Variants in NFAM1 observed in about 807,000 individuals in gnomAD.
The protein encoded by NFAM1 is NFAT activation molecule 1.
In NFAM1, 17 loss-of-function variants were observed where a neutral mutation model predicts 29.0. That is an observed-to-expected ratio of 0.59 (90% confidence interval 0.40 to 0.88). The LOEUF is 0.88. Among genes scored for constraint, NFAM1 ranks in the 40% least tolerant of loss-of-function variants. The probability of loss-of-function intolerance (pLI) is 0.00; values close to 1 mark genes in which losing one functional copy is unlikely to be tolerated. For synonymous variants in NFAM1, 175 were observed against 147.2 expected (o/e 1.19, Z -1.36); for missense variants, 324 against 344.6 (o/e 0.94, Z 0.47).
intron 1 of NFAM1, among the ~76,000 whole-genome samples, chr22:42,415,294 C>CTTTTTTTT (rs398037250): frequency 1.6e-3 from 155 of 94,790 alleles, no homozygotes; most frequent in Non-Finnish European, 2.0e-3. Flanking sequence ...TTCTTTCTTT[C>CTTTTTTTT]TTTTTTTTTT....
rs1180762692 is a variant in NFAM1 at position 42,388,647 on chromosome 22, G to A, written c.664-1569C>T. Reference sequence around the variant, plus strand: ...CAGAGGCAGGAGGAGGGCGGGAGGCGGGAGGGAAGGAGGGAGGGAGGCAGG... The same window carrying A: ...CAGAGGCAGGAGGAGGGCGGGAGGCAGGAGGGAAGGAGGGAGGGAGGCAGG... On this transcript the variant is annotated intron_variant, in intron 4 of 5. Transcript: ENST00000329021. This position sits in a 1 kb window ranked among gnomAD's most constrained non-coding sequence, Gnocchi z 4.1. Among the ~76,000 whole-genome samples the A allele has an allele frequency of 3.9e-5, 6 of 152,130 alleles. No individual in the cohort carries two copies. Among genetic ancestry groups the A allele is most frequent in the African/African-American group, 9.7e-5 (4 of 41,432 alleles).
At chr22:42,425,851 G>A (rs1188234867) in intron 1 of NFAM1, among the ~76,000 whole-genome samples, 1 of 152,194 alleles carries the variant, frequency 6.6e-6, no homozygotes, top group Non-Finnish European at 1.5e-5. Context: ...GGCGAGCTCA[G>A]TCATGCCCCA....
chr22:42,414,096 C>T (rs753370156), intron 1 of NFAM1, among the ~76,000 whole-genome samples: 1 of 151,964 alleles, frequency 6.6e-6, no homozygotes, highest in Non-Finnish European at 1.5e-5. Flanking sequence ...AGAGACACAC[C>T]CTCCCTCAAA....
At chr22:42,398,348 G>C (rs923349961) in intron 3 of NFAM1, among the ~76,000 whole-genome samples, 2 of 137,382 alleles carry the variant, frequency 1.5e-5, no homozygotes, top group Admixed American at 7.6e-5. Context: ...CTCTGGCCTC[G>C]AGCGAGCCAG....
At chr22:42,431,347 G>C (rs1325248959) in intron 1 of NFAM1, among the ~76,000 whole-genome samples, 2 of 152,314 alleles carry the variant, frequency 1.3e-5, no homozygotes, top group South Asian at 4.1e-4. Flanking sequence ...AGGACAGGGT[G>C]GGGGCAGCTC....
chr22:42,402,565 G>A (rs73173008), intron 3 of NFAM1, among the ~76,000 whole-genome samples: 2,418 of 152,326 alleles, frequency 0.016, 33 homozygotes, highest in Non-Finnish European at 0.024. Flanking sequence ...ACAGAACAAG[G>A]AGGGCATGTT....
In NFAM1 at chr22:42,419,608, A is replaced by C. The variant is rs1930367482; in HGVS notation, c.122-7872T>G. 6.6e-6 allele frequency among the ~76,000 whole-genome samples: 1 copy of C among 152,196 alleles called. No individual in the cohort carries two copies. The highest frequency in any genetic ancestry group is 1.5e-5 in the Non-Finnish European group (1 of 68,026). ...TCCCAGGACCTGCACAGCCCCGCTCAGCTGCTCTCTGGCCCTCACTCGCCC... is the reference window on the plus strand; with the variant it reads ...TCCCAGGACCTGCACAGCCCCGCTCCGCTGCTCTCTGGCCCTCACTCGCCC... On this transcript the variant is annotated intron_variant, in intron 1 of 5. Transcript: ENST00000329021. The surrounding 1 kb of genome is among the most constrained non-coding windows in gnomAD (Gnocchi z 4.5).
At chr22:42,393,105 C>CT (rs907797945) in intron 4 of NFAM1, among the ~76,000 whole-genome samples, 10 of 150,972 alleles carry the variant, frequency 6.6e-5, no homozygotes, top group East Asian at 3.9e-4. Context: ...AGTAGTAAAG[C>CT]TTTTTTTTTC....
At chr22:42,397,173 C>T (rs1451773201) in intron 4 of NFAM1, among the ~76,000 whole-genome samples, 7 of 152,210 alleles carry the variant, frequency 4.6e-5, no homozygotes, top group Non-Finnish European at 7.4e-5. Context: ...CGGCCCCAGC[C>T]GCTGGGCAGA....
At chr22:42,418,078 C>T (rs1930320125) in intron 1 of NFAM1, among the ~76,000 whole-genome samples, 1 of 152,238 alleles carries the variant, frequency 6.6e-6, no homozygotes, top group South Asian at 2.1e-4. Context: ...AGGGAAGTCC[C>T]TCCCACACTG....
At chr22:42,401,910 C>A (rs1929737661) in intron 3 of NFAM1, among the ~76,000 whole-genome samples, 1 of 152,216 alleles carries the variant, frequency 6.6e-6, no homozygotes, top group African/African-American at 2.4e-5. Context: ...CACATCCTGG[C>A]CACTTCTGCC....
chr22:42,430,422 T>A (rs1285880059), intron 1 of NFAM1, among the ~76,000 whole-genome samples: 1 of 151,824 alleles, frequency 6.6e-6, no homozygotes, highest in Non-Finnish European at 1.5e-5. Context: ...TAGCTGGGCA[T>A]GGTGGTGGGC....
chr22:42,390,079 G>T (rs993165867), intron 4 of NFAM1, among the ~76,000 whole-genome samples: 65 of 152,240 alleles, frequency 4.3e-4, no homozygotes, highest in African/African-American at 1.4e-3. Flanking sequence ...AGCAGGAACG[G>T]GAGCAGGAGG....
chr22:42,409,932 G>A lies in NFAM1; in HGVS notation c.452-385C>T, dbSNP rs1207832277. On this transcript the variant is annotated intron_variant, in intron 2 of 5. Transcript: ENST00000329021. This position sits in a 1 kb window ranked among gnomAD's most constrained non-coding sequence, Gnocchi z 4.9. ...GCTGAAGGAGGCGGATTTATCCTGG[G>A]ACTGACAGGGGGCTGCACCCAGGCT... is the stretch of plus-strand genomic sequence containing the variant. Among the ~76,000 whole-genome samples the A allele has an allele frequency of 3.9e-5, 6 of 152,124 alleles. No homozygotes were observed. Among genetic ancestry groups the A allele is most frequent in the Admixed American group, 3.9e-4 (6 of 15,272 alleles).
At chr22:42,399,816 C>T (rs1488607039) in intron 3 of NFAM1, among the ~76,000 whole-genome samples, 2 of 152,192 alleles carry the variant, frequency 1.3e-5, no homozygotes, top group Admixed American at 6.5e-5. Context: ...AGGGCAGAAG[C>T]TAATTAAAAA....
At chr22:42,416,338 C>A (rs1428756494) in intron 1 of NFAM1, among the ~76,000 whole-genome samples, 1 of 152,106 alleles carries the variant, frequency 6.6e-6, no homozygotes, top group East Asian at 1.9e-4. Flanking sequence ...ATCTTAAAGG[C>A]CCAAAACCAC....
chr22:42,432,160 G>T (rs527313533), intron 1 of NFAM1, 77 bp downstream of exon 1: 2 of 1,309,818 alleles, frequency 1.5e-6, no homozygotes, highest in Non-Finnish European at 2.2e-6. Flanking sequence ...CTGGGAATTA[G>T]CTGCGCCGGG....
rs577057134 is a variant in NFAM1 at position 42,419,453 on chromosome 22, G to A, written c.122-7717C>T. Among the ~76,000 whole-genome samples the A allele has an allele frequency of 6.6e-6, 1 of 152,272 alleles. No homozygotes were observed. Among genetic ancestry groups the A allele is most frequent in the Non-Finnish European group, 1.5e-5 (1 of 68,026 alleles). The stretch of plus-strand genomic sequence containing the variant: ...CATGCGTAGTAAGGGCACTGTTTGC[G>A]ACCTTCTAGTTTCAGTTATATTCAT... On this transcript the variant is annotated intron_variant, in intron 1 of 5. Coordinates refer to ENST00000329021, the MANE Select transcript of NFAM1 (RefSeq NM_145912.8). This position sits in a 1 kb window ranked among gnomAD's most constrained non-coding sequence, Gnocchi z 4.5.
rs191159395 is a variant in NFAM1 at position 42,390,034 on chromosome 22, C to T, written c.664-2956G>A. 1.7e-3 allele frequency among the ~76,000 whole-genome samples: 255 copies of T among 152,178 alleles called. 1 individual carries two copies. The highest frequency in any genetic ancestry group is 2.7e-3 in the Non-Finnish European group (184 of 68,022). ...GGCTTTCCTCACCATGCATCAGAGT[C>T]GTGTGTTAGAAAGGTCCCTCCGGCA... On this transcript the variant is annotated intron_variant, in intron 4 of 5. Transcript: ENST00000329021.
Sources: allele counts gnomAD v4.1 joint callset (sites outside exome capture counted in the v4.1 genomes callset), GRCh38; gene constraint gnomAD v4.1.1; non-coding constraint Gnocchi (gnomAD v3.1); transcripts MANE v1.5; gene names NCBI Gene and HGNC (gene_info 2026-07-23, HGNC 2026-07-21).